Variants in FBXO40 observed in about 807,000 individuals in gnomAD.
The protein encoded by FBXO40 is F-box only protein 40.
Under a neutral mutation model 49.9 loss-of-function variants are expected in FBXO40, and 50 were observed. The observed-to-expected ratio is 1.00, with a 90% CI of 0.80 to 1.27. The LOEUF is 1.27. Among genes scored for constraint, FBXO40 ranks in the 50% most tolerant of loss-of-function variants. The probability of loss-of-function intolerance (pLI) is 0.00; values close to 1 mark genes in which losing one functional copy is unlikely to be tolerated. For missense variants in FBXO40, 895 were observed against 870.1 expected, an observed-to-expected ratio of 1.03 and a Z score of -0.36; for synonymous variants, 340 against 320.2, an observed-to-expected ratio of 1.06 and a Z score of -0.66.
chr3:121,600,858 A>C (rs1249478710), intron 1 of FBXO40, among the ~76,000 whole-genome samples: 1 of 152,244 alleles, frequency 6.6e-6, no homozygotes, highest in Non-Finnish European at 1.5e-5. Context: ...CCCAAAATGC[A>C]GAGAAATCTC....
intron 1 of FBXO40, among the ~76,000 whole-genome samples, chr3:121,614,269 CAAAAAA>C (rs35824526): frequency 3.9e-5 from 3 of 77,644 alleles, no homozygotes; most frequent in Non-Finnish European, 7.0e-5. Context: ...GACTCTAGCT[CAAAAAA>C]AAAAAAAAAA....
chr3:121,598,449 C>A lies in FBXO40; in HGVS notation c.-31+4947C>A, dbSNP rs143583322. 3.8e-3 allele frequency among the ~76,000 whole-genome samples: 574 copies of A among 152,264 alleles called. 9 individuals are homozygous for A. The highest frequency in any genetic ancestry group is 0.013 in the African/African-American group (548 of 41,546). ...CCCCAAAATAGGAGCTTTAAAATTCCCCTGTCTTAGCAGTCAACATAATAT... is the reference window on the plus strand; with the variant it reads ...CCCCAAAATAGGAGCTTTAAAATTCACCTGTCTTAGCAGTCAACATAATAT... On this transcript the variant is annotated intron_variant, in intron 1 of 3. Coordinates refer to ENST00000338040, the MANE Select transcript of FBXO40 (RefSeq NM_016298.4).
chr3:121,599,722 ATAT>A (rs1279975274), intron 1 of FBXO40, among the ~76,000 whole-genome samples: 2,895 of 81,510 alleles, frequency 0.036, 103 homozygotes, highest in African/African-American at 0.1. Flanking sequence ...ATATATATAT[ATAT>A]TTTTTTTTTT....
Position 121,605,364 on chromosome 3 carries a change from G to A in FBXO40, c.-31+11862G>A, listed in dbSNP as rs551467265. ...TGCCACATATCCAATGAGTTCCTAA[G>A]GGATGCATATCAGTTGGGTTTTGGT... On this transcript the variant is annotated intron_variant, in intron 1 of 3. Transcript: ENST00000338040. Among the ~76,000 whole-genome samples, 26 of 152,334 alleles carry A rather than the reference G, an allele frequency of 1.7e-4. No individual in the cohort carries two copies. The South Asian group carries it at 2.9e-3, about 17-fold the overall frequency.
At position 121,622,181 on chromosome 3, in the gene FBXO40, T is replaced by G. The variant is rs1251722518; in HGVS notation, c.752T>G (p.Ile251Ser). ...AAGAATGACTCCGAGAAAGAACAGA[T>G]TTCCAGTGGCCATAACATGGTAGAA... is the stretch of plus-strand genomic sequence containing the variant. ...KNKNDSEKEQISSGHNMVEGE... is the reference protein window; with the variant it reads ...KNKNDSEKEQSSSGHNMVEGE... The change falls in exon 3 of 4, where the codon ATT (isoleucine) becomes AGT (serine). Residue 251 changes from isoleucine (I) to serine (S), a missense_variant. Physicochemically the swap from Ile to Ser is moderately radical, Grantham distance 142. Transcript: ENST00000338040. 6.2e-7 allele frequency: 1 copy of G among 1,613,772 alleles called. No individual in the cohort carries two copies. The highest frequency in any genetic ancestry group is 1.7e-5 in the Admixed American group (1 of 59,962).
chr3:121,622,891 T>G lies in FBXO40; in HGVS notation c.1462T>G (p.Phe488Val). The G allele has an allele frequency of 1.2e-6, 2 of 1,613,456 alleles. No individual in the cohort carries two copies. Among genetic ancestry groups the G allele is most frequent in the Non-Finnish European group, 1.7e-6 (2 of 1,179,478 alleles). Residue 488 changes from phenylalanine (F) to valine (V), a missense_variant, in exon 3 of 4, where the codon TTC (phenylalanine) becomes GTC (valine). Phe to Val is a conservative substitution (Grantham distance 50, BLOSUM62 -1). Coordinates refer to ENST00000338040, the MANE Select transcript of FBXO40 (RefSeq NM_016298.4). ...CAACAAATTCTTCAGGAGGGATGAG[T>G]TCCCCCTGCACTTCAAGAATGTCCA... Reference protein sequence around the residue: ...TCNKFFRRDEFPLHFKNVHTD... With the variant: ...TCNKFFRRDEVPLHFKNVHTD...
intron 1 of FBXO40, among the ~76,000 whole-genome samples, chr3:121,612,291 C>A (rs1474402852): frequency 6.6e-6 from 1 of 152,134 alleles, no homozygotes; most frequent in East Asian, 1.9e-4. Flanking sequence ...GTAAGAGGCC[C>A]CACTAAGAGT....
chr3:121,626,263 T>G (rs1312107767), intron 3 of FBXO40, among the ~76,000 whole-genome samples: 1 of 152,228 alleles, frequency 6.6e-6, no homozygotes, highest in East Asian at 1.9e-4. Flanking sequence ...CTCTGGTGAT[T>G]GCTGGCACCT....
At chr3:121,611,725 A>G (rs1052535064) in intron 1 of FBXO40, among the ~76,000 whole-genome samples, 5 of 152,214 alleles carry the variant, frequency 3.3e-5, no homozygotes, top group Admixed American at 2.6e-4. Flanking sequence ...CATATTTCAG[A>G]CTATCACATG....
chr3:121,599,720 ATATATTT>A (rs1560126969), intron 1 of FBXO40, among the ~76,000 whole-genome samples: 6 of 81,816 alleles, frequency 7.3e-5, no homozygotes, highest in Non-Finnish European at 1.3e-4. Context: ...ATATATATAT[ATATATTT>A]TTTTTTTTTT....
chr3:121,597,451 A>C (rs937886615), intron 1 of FBXO40, among the ~76,000 whole-genome samples: 5 of 152,134 alleles, frequency 3.3e-5, no homozygotes, highest in Admixed American at 1.3e-4. Context: ...CATCAAACTG[A>C]CAGTGGAATA....
chr3:121,615,233 G>A (rs1171587715), intron 1 of FBXO40, among the ~76,000 whole-genome samples: 1 of 137,152 alleles, frequency 7.3e-6, no homozygotes, highest in African/African-American at 2.7e-5. Context: ...TAGCACATTT[G>A]TTGGAAACTA....
Position 121,622,818 on chromosome 3 carries a change from T to C in FBXO40, c.1389T>C (p.Cys463=). 1 of 1,614,222 alleles carries C rather than the reference T, an allele frequency of 6.2e-7. No homozygotes were observed. The highest frequency in any genetic ancestry group is 8.5e-7 in the Non-Finnish European group (1 of 1,180,040). The change falls in exon 3 of 4, where the codon TGT becomes TGC. Residue 463 remains cysteine, a synonymous_variant. Transcript: ENST00000338040. ...TCCACGTGGAGCTCCACAGCGAGTG[T>C]GTGACCAGGAGACACAACAAAAGCA... ...GGLHVELHSE[C]VTRRHNKSSS...
intron 1 of FBXO40, among the ~76,000 whole-genome samples, chr3:121,601,639 G>A (rs4676736): frequency 0.58 from 87,444 of 152,074 alleles, 25,431 homozygotes; most frequent in East Asian, 0.7. Context: ...CTCACTGCAC[G>A]CATAGAAGCA....
At chr3:121,595,027 C>G (rs1473007761) in intron 1 of FBXO40, among the ~76,000 whole-genome samples, 1 of 152,148 alleles carries the variant, frequency 6.6e-6, no homozygotes, top group Non-Finnish European at 1.5e-5. Context: ...CTAAGGACAT[C>G]CTGGGAAGTG....
chr3:121,598,025 C>T (rs1364242440), intron 1 of FBXO40, among the ~76,000 whole-genome samples: 1 of 152,172 alleles, frequency 6.6e-6, no homozygotes, highest in African/African-American at 2.4e-5. Context: ...AAAAATCACT[C>T]AGCTTATTCA....
At chr3:121,608,525 G>A (rs2048947590) in intron 1 of FBXO40, among the ~76,000 whole-genome samples, 1 of 152,124 alleles carries the variant, frequency 6.6e-6, no homozygotes, top group South Asian at 2.1e-4. Context: ...GAGCGTCTGT[G>A]GACTCTGGCA....
Position 121,620,579 on chromosome 3 carries a change from G to T in FBXO40, c.3+1G>T. 6.2e-7 allele frequency: 1 copy of T among 1,614,124 alleles called. No homozygotes were observed. The highest frequency in any genetic ancestry group is 8.5e-7 in the Non-Finnish European group (1 of 1,180,016). On this transcript the variant is annotated splice_donor_variant, in intron 2 of 3. Coordinates refer to ENST00000338040, the MANE Select transcript of FBXO40 (RefSeq NM_016298.4). LOFTEE classifies it high-confidence loss of function. Reference sequence around the variant, plus strand: ...AGCAAGAAGAAATTGGGGCGCCATGGTAAGCACCAGGAGCTTATTGAAGCT... The same window carrying T: ...AGCAAGAAGAAATTGGGGCGCCATGTTAAGCACCAGGAGCTTATTGAAGCT...
At chr3:121,602,492 C>T (rs1472774679) in intron 1 of FBXO40, among the ~76,000 whole-genome samples, 1 of 152,100 alleles carries the variant, frequency 6.6e-6, no homozygotes, top group African/African-American at 2.4e-5. Context: ...ACTTTGTTTC[C>T]TTTTTTACCA....
Sources: gnomAD v4.1 joint callset for allele counts (sites outside exome capture counted in the v4.1 genomes callset) on GRCh38, gnomAD v4.1.1 for gene constraint, MANE v1.5 for transcripts, NCBI Gene and HGNC (gene_info 2026-07-23, HGNC 2026-07-21) for gene names.